Variants in RFX7 observed in about 807,000 individuals in gnomAD.
RFX7 encodes regulatory factor X7, also known as DNA-binding protein RFX7.
A neutral mutation model predicts 111.8 loss-of-function variants in RFX7; 26 were observed. That is an observed-to-expected ratio of 0.23 (90% CI 0.17 to 0.32). The LOEUF is 0.32. RFX7 is among the 10% of genes least tolerant of loss of function. RFX7 has a pLI of 1.00. For missense variants in RFX7, 1,573 were observed against 1,772.9 expected (o/e 0.89, Z 2.02); for synonymous variants, 624 against 624.4 (o/e 1.00, Z 0.01).
intron 2 of RFX7, among the ~76,000 whole-genome samples, chr15:56,183,815 G>A (rs1035412298): frequency 7.0e-6 from 1 of 143,654 alleles, no homozygotes; most frequent in Non-Finnish European, 1.6e-5. Context: ...GGGAGAAGAT[G>A]ACTGATAATT....
intron 2 of RFX7, among the ~76,000 whole-genome samples, chr15:56,202,728 C>T (rs766289420): frequency 6.6e-6 from 1 of 152,220 alleles, no homozygotes; most frequent in Non-Finnish European, 1.5e-5. Flanking sequence ...AGGAGGATGG[C>T]TTGAGCCAAG....
chr15:56,209,777 T>G (rs140877096), intron 2 of RFX7, among the ~76,000 whole-genome samples: 3 of 151,722 alleles, frequency 2.0e-5, no homozygotes, highest in African/African-American at 7.3e-5. Flanking sequence ...AAATGTATAC[T>G]GAAAACTCTA....
At chr15:56,113,829 G>A (rs12443118) in intron 5 of RFX7, among the ~76,000 whole-genome samples, 19,782 of 152,058 alleles carry the variant, frequency 0.13, 1,672 homozygotes, top group East Asian at 0.44. Flanking sequence ...GTGAGTCTTA[G>A]TATTCAAATA....
intron 3 of RFX7, among the ~76,000 whole-genome samples, chr15:56,160,080 G>T (rs1383530548): frequency 6.6e-6 from 1 of 152,094 alleles, no homozygotes; most frequent in African/African-American, 2.4e-5. Flanking sequence ...TTTAAGCAAG[G>T]TTAAAAAAGT....
chr15:56,208,387 T>C (rs1395158247), intron 2 of RFX7, among the ~76,000 whole-genome samples: 16 of 152,118 alleles, frequency 1.1e-4, no homozygotes, highest in African/African-American at 3.6e-4. Flanking sequence ...AGGTACAGGC[T>C]TTCCAAAAGA....
At chr15:56,184,193 ATTTTTTTTT>A (rs35880948) in intron 2 of RFX7, among the ~76,000 whole-genome samples, 7 of 80,732 alleles carry the variant, frequency 8.7e-5, no homozygotes, top group East Asian at 3.6e-4. Flanking sequence ...CTAATTTTGT[ATTTTTTTTT>A]TTTTTTTTTT....
At chr15:56,133,316 G>C (rs2042243179) in intron 5 of RFX7, among the ~76,000 whole-genome samples, 1 of 151,982 alleles carries the variant, frequency 6.6e-6, no homozygotes, top group African/African-American at 2.4e-5. Context: ...ACAGTTAAAA[G>C]AAGCCAGTCT....
chr15:56,179,674 G>C (rs898478562), intron 2 of RFX7, among the ~76,000 whole-genome samples: 5 of 151,350 alleles, frequency 3.3e-5, no homozygotes, highest in African/African-American at 1.2e-4. Context: ...AATTTGCTTA[G>C]CACTTAAAAG....
intron 2 of RFX7, among the ~76,000 whole-genome samples, chr15:56,226,327 G>A (rs1422752795): frequency 1.3e-5 from 2 of 152,094 alleles, no homozygotes; most frequent in African/African-American, 4.8e-5. Flanking sequence ...CAGGAAAGGT[G>A]GGGAATTCAT....
At chr15:56,111,661 C>CAAAAAAAAAAAAAAAAAAAACCA (rs371681721) in intron 5 of RFX7, among the ~76,000 whole-genome samples, 5 of 95,560 alleles carry the variant, frequency 5.2e-5, no homozygotes, top group South Asian at 4.0e-4. Context: ...ATAAATAAAC[C>CAAAAAAAAAAAAAAAAAAAACCA]AAAAAAAAAA....
At chr15:56,124,778 G>C (rs1284440103) in intron 5 of RFX7, among the ~76,000 whole-genome samples, 1 of 152,176 alleles carries the variant, frequency 6.6e-6, no homozygotes, top group Non-Finnish European at 1.5e-5. Flanking sequence ...TAGATGAATA[G>C]TTTGCAAATA....
chr15:56,097,964 G>T, intron 9 of RFX7, 117 bp downstream of exon 9: 3 of 805,478 alleles, frequency 3.7e-6, no homozygotes, highest in Non-Finnish European at 4.0e-6. Context: ...TCTTCCTGTG[G>T]TCACAAAATC....
rs148765903 is a variant in RFX7 at position 56,089,547 on chromosome 15, G to T, written c.*3798C>A. 6.6e-6 allele frequency: 1 copy of T among 152,040 alleles called. No individual in the cohort carries two copies. The highest frequency in any genetic ancestry group is 1.5e-5 in the Non-Finnish European group (1 of 68,008). 9.4% of individuals were successfully genotyped at this position (152,040 alleles called of 1,614,324 possible). Reference sequence around the variant, plus strand: ...GTGTTACACAGTATTTTCACCCCCAGAATTTCTTACTGGTTGACTCTATGC... The same window carrying T: ...GTGTTACACAGTATTTTCACCCCCATAATTTCTTACTGGTTGACTCTATGC... On this transcript the variant is annotated 3_prime_UTR_variant, in exon 10 of 10. Transcript: ENST00000559447.
At chr15:56,148,819 A>C (rs2042522817) in intron 3 of RFX7, among the ~76,000 whole-genome samples, 1 of 152,072 alleles carries the variant, frequency 6.6e-6, no homozygotes, top group Admixed American at 6.6e-5. Context: ...CAGTGGCTCA[A>C]GCCTGTAATC....
At chr15:56,098,414 C>A (rs1375960901) in intron 8 of RFX7, 38 bp from the exon 9 acceptor site, 1 of 1,534,274 alleles carries the variant, frequency 6.5e-7, no homozygotes, top group African/African-American at 1.4e-5. Context: ...AATAAATACT[C>A]TCCTTTATAG....
Position 56,098,332 on chromosome 15 carries a change from C to T in RFX7, c.856G>A (p.Glu286Lys). The T allele has an allele frequency of 6.2e-7, 1 of 1,611,530 alleles. No homozygotes were observed. Among genetic ancestry groups the T allele is most frequent in the Non-Finnish European group, 8.5e-7 (1 of 1,178,546 alleles). The change falls in exon 9 of 10, where the codon GAA becomes AAA. Residue 286 changes from glutamate (E) to lysine (K), a missense_variant. By Grantham distance (56) the Glu-to-Lys change is moderately conservative. Transcript: ENST00000559447. Reference sequence around the variant, plus strand: ...ACCTGAGGCTGAAAGGAATTACTTTCAGCTGTAGGTATAAAAGCAGAAGGC... The same window carrying T: ...ACCTGAGGCTGAAAGGAATTACTTTTAGCTGTAGGTATAAAAGCAGAAGGC... ...TQPSAFIPTA[E>K]SNSFQPQVKT...
chr15:56,190,239 C>T (rs1358576470), intron 2 of RFX7, among the ~76,000 whole-genome samples: 4 of 152,222 alleles, frequency 2.6e-5, no homozygotes, highest in Non-Finnish European at 5.9e-5. Flanking sequence ...ATGCAATGCT[C>T]CATTTCCCCT....
Position 56,165,536 on chromosome 15 carries a change from T to C in RFX7, c.195+13734A>G, listed in dbSNP as rs75762953. Among the ~76,000 whole-genome samples, 21 of 152,288 alleles carry C rather than the reference T, an allele frequency of 1.4e-4. No homozygotes were observed. The East Asian group carries it at 3.9e-3, about 28-fold the overall frequency. ...AAAATCCTCCTTTGGTCAGTTCTCA[T>C]GAATAAACCCTACCCTAGTAGAGCT... On this transcript the variant is annotated intron_variant, in intron 3 of 9. Coordinates refer to ENST00000559447, the MANE Select transcript of RFX7 (RefSeq NM_022841.7).
chr15:56,200,977 G>C (rs936226619), intron 2 of RFX7, among the ~76,000 whole-genome samples: 5 of 151,754 alleles, frequency 3.3e-5, no homozygotes, highest in African/African-American at 1.2e-4. Context: ...CATGGTATTA[G>C]GTGCTTAAAT....
Sources: allele counts gnomAD v4.1 joint callset (sites outside exome capture counted in the v4.1 genomes callset), GRCh38; gene constraint gnomAD v4.1.1; transcripts MANE v1.5; gene names NCBI Gene and HGNC (gene_info 2026-07-23, HGNC 2026-07-21).